Variants in MAF observed in about 807,000 individuals in gnomAD.
The protein encoded by MAF is MAF bZIP transcription factor.
A neutral mutation model predicts 22.0 loss-of-function variants in MAF; 10 were observed. The ratio of observed to expected loss-of-function variants is 0.45; its 90% CI spans 0.28 to 0.77. MAF has a LOEUF of 0.77. Among genes scored for constraint, MAF ranks in the 30% least tolerant of loss-of-function variants. The pLI, the probability that MAF is intolerant of heterozygous loss-of-function variation, is 0.12. For synonymous variants in MAF, 337 were observed against 255.8 expected (o/e 1.32, Z -3.03); for missense variants, 544 against 548.4 (o/e 0.99, Z 0.08).
At chr16:79,336,107 C>A in the MAF span, among the ~76,000 whole-genome samples, 4 of 152,290 alleles carry the variant, frequency 2.6e-5, no homozygotes, top group Non-Finnish European at 5.9e-5. Context: ...ATCCTTTACC[C>A]AGCTCTCCAA....
the MAF span, among the ~76,000 whole-genome samples, chr16:79,251,411 G>A: frequency 6.7e-6 from 1 of 149,868 alleles, no homozygotes. Context: ...TGCCTCTTGG[G>A]TTCAAGCAAT....
chr16:79,288,690 G>C, the MAF span, among the ~76,000 whole-genome samples: 1 of 152,162 alleles, frequency 6.6e-6, no homozygotes, highest in South Asian at 2.1e-4. Context: ...TAAACATGAG[G>C]AAAGGAAGGA....
the MAF span, among the ~76,000 whole-genome samples, chr16:79,573,556 C>A: frequency 1.3e-5 from 2 of 152,188 alleles, no homozygotes; most frequent in Admixed American, 6.5e-5. Context: ...AATAATAAAT[C>A]TTGAAAGCAA....
the MAF span, among the ~76,000 whole-genome samples, chr16:79,336,642 G>A: frequency 1.3e-5 from 2 of 152,318 alleles, no homozygotes; most frequent in African/African-American, 2.4e-5. Context: ...GGACAACACA[G>A]GAAGGTTAAA....
At chr16:79,261,825 C>A in the MAF span, among the ~76,000 whole-genome samples, 1 of 152,188 alleles carries the variant, frequency 6.6e-6, no homozygotes, top group African/African-American at 2.4e-5. Flanking sequence ...CACCTTTGGC[C>A]CTGAGTCCTT....
the MAF span, among the ~76,000 whole-genome samples, chr16:79,235,403 T>TA: frequency 1.2e-4 from 18 of 151,258 alleles, no homozygotes; most frequent in Non-Finnish European, 2.5e-4. Flanking sequence ...AAATAAAAAA[T>TA]AAAAAAATAT....
chr16:79,437,612 T>G, the MAF span, among the ~76,000 whole-genome samples: 1 of 151,916 alleles, frequency 6.6e-6, no homozygotes, highest in Non-Finnish European at 1.5e-5. Context: ...ATTTTACAGC[T>G]GAGGAAAGGA....
chr16:79,210,135 C>T, the MAF span, among the ~76,000 whole-genome samples: 1 of 152,168 alleles, frequency 6.6e-6, no homozygotes, highest in Admixed American at 6.5e-5. Context: ...ACTCACGGTC[C>T]ACACCCCGCC....
At chr16:79,445,661 A>C in the MAF span, among the ~76,000 whole-genome samples, 1 of 152,324 alleles carries the variant, frequency 6.6e-6, no homozygotes, top group South Asian at 2.1e-4. Flanking sequence ...GGAAGGATGA[A>C]GGGAAAGAGT....
chr16:79,388,132 A>G, the MAF span, among the ~76,000 whole-genome samples: 1 of 152,202 alleles, frequency 6.6e-6, no homozygotes, highest in Non-Finnish European at 1.5e-5. Context: ...TCAAAGCTTA[A>G]GTGGTATGCA....
chr16:79,203,551 T>C, the MAF span: 2 of 151,562 alleles, frequency 1.3e-5, no homozygotes, highest in South Asian at 2.1e-4. Flanking sequence ...AGAATACTTA[T>C]GGGGCATACG....
In MAF at chr16:79,599,099, G is replaced by C. The variant is rs780385335; in HGVS notation, c.804C>G (p.Thr268=). 6.2e-7 allele frequency: 1 copy of C among 1,606,220 alleles called. No homozygotes were observed. Among genetic ancestry groups the C allele is most frequent in the Non-Finnish European group, 8.5e-7 (1 of 1,179,210 alleles). The change falls in exon 1 of 2, where the codon ACC becomes ACG. Residue 268 remains threonine (T), a synonymous_variant. Coordinates refer to ENST00000326043, the MANE Select transcript of MAF (RefSeq NM_005360.5). Reference sequence around the variant, plus strand: ...GCCGGTTCAGCTCGCGCACAGACATGGTCACCAGCTGCTCGTCGGAGAAGC... The same window carrying C: ...GCCGGTTCAGCTCGCGCACAGACATCGTCACCAGCTGCTCGTCGGAGAAGC... ...DDRFSDEQLV[T]MSVRELNRQL... is the part of the protein sequence containing the mutation.
the MAF span, among the ~76,000 whole-genome samples, chr16:79,515,299 C>T: frequency 6.6e-6 from 1 of 152,116 alleles, no homozygotes; most frequent in Non-Finnish European, 1.5e-5. Flanking sequence ...CAGATGGTGC[C>T]CAACTTTTGA....
chr16:79,397,711 G>C, the MAF span, among the ~76,000 whole-genome samples: 1 of 152,110 alleles, frequency 6.6e-6, no homozygotes, highest in African/African-American at 2.4e-5. Context: ...GGGCATAGCT[G>C]TGGGCACTGA....
At chr16:79,380,208 A>G in the MAF span, among the ~76,000 whole-genome samples, 1 of 152,232 alleles carries the variant, frequency 6.6e-6, no homozygotes, top group African/African-American at 2.4e-5. Flanking sequence ...TTTTTCCAGC[A>G]GACCTTCACT....
chr16:79,520,494 T>C, the MAF span, among the ~76,000 whole-genome samples: 1 of 152,144 alleles, frequency 6.6e-6, no homozygotes, highest in African/African-American at 2.4e-5. Context: ...TGCGTGTGTG[T>C]GTGTGTGCTT....
At chr16:79,423,078 T>A in the MAF span, among the ~76,000 whole-genome samples, 5 of 152,128 alleles carry the variant, frequency 3.3e-5, no homozygotes, top group African/African-American at 1.2e-4. Flanking sequence ...GAGGGGATTC[T>A]AAGATAGGGT....
chr16:79,526,712 T>TCCC, the MAF span, among the ~76,000 whole-genome samples: 1 of 152,192 alleles, frequency 6.6e-6, no homozygotes, highest in African/African-American at 2.4e-5. Context: ...GTAACCCTGA[T>TCCC]CCGTAGCATT....
chr16:79,565,930 A>G, the MAF span, among the ~76,000 whole-genome samples: 3 of 152,186 alleles, frequency 2.0e-5, no homozygotes. Flanking sequence ...TTCAAGTCAC[A>G]CAGCTAGAAA....
Sources: allele counts gnomAD v4.1 joint callset (sites outside exome capture counted in the v4.1 genomes callset), GRCh38; gene constraint gnomAD v4.1.1; transcripts MANE v1.5; gene names NCBI Gene and HGNC (gene_info 2026-07-23, HGNC 2026-07-21).